CACNG7: variants seen among roughly 807,000 people sequenced by gnomAD.
CACNG7 encodes the protein calcium voltage-gated channel auxiliary subunit gamma 7.
A neutral mutation model predicts 26.3 loss-of-function variants in CACNG7; 9 were observed. That is an observed-to-expected ratio of 0.34 (90% CI 0.21 to 0.60). CACNG7 has a LOEUF of 0.60. CACNG7 is among the 20% of genes least tolerant of loss of function. The probability of loss-of-function intolerance (pLI) is 0.81; values close to 1 mark genes in which losing one functional copy is unlikely to be tolerated. For synonymous variants in CACNG7, 170 were observed against 157.0 expected (o/e 1.08, Z -0.62); for missense variants, 297 against 380.4 (o/e 0.78, Z 1.82).
chr19:53,916,273 G>C (rs915358098), intron 4 of CACNG7, among the ~76,000 whole-genome samples: 1 of 151,822 alleles, frequency 6.6e-6, no homozygotes, highest in African/African-American at 2.4e-5. Context: ...TTTTGCATAT[G>C]TGATCTCACA....
Position 53,924,804 on chromosome 19 carries a change from G to A in CACNG7, c.424+9299G>A, listed in dbSNP as rs531127622. Among the ~76,000 whole-genome samples the A allele has an allele frequency of 8.3e-5, 12 of 144,406 alleles. No individual in the cohort carries two copies. The East Asian group carries it at 2.5e-3, about 30-fold the overall frequency. The allele number at this position is 144,406 out of a possible 152,430, so 94.7% of individuals were successfully genotyped here. On this transcript the variant is annotated intron_variant, in intron 4 of 5. Coordinates refer to ENST00000391767, the MANE Select transcript of CACNG7 (RefSeq NM_031896.5). The stretch of plus-strand genomic sequence containing the variant: ...TGGACTTGCCTAGTGCTGGTCATTG[G>A]TGGACTTGCCCCAGGTCTGGTCATT...
At position 53,942,651 on chromosome 19, in the gene CACNG7, T is replaced by A; in HGVS notation, c.*358T>A. On this transcript the variant is annotated 3_prime_UTR_variant, in exon 6 of 6. Coordinates refer to ENST00000391767, the MANE Select transcript of CACNG7 (RefSeq NM_031896.5). The surrounding 1 kb of genome is among the most constrained non-coding windows in gnomAD (Gnocchi z 5.9). ...GCCAGAGGCGGTGCAAGCGCCCAGC[T>A]CCCCAGAGCTCCCCAACCTCGGACC... The A allele has an allele frequency of 1.0e-6, 1 of 966,074 alleles. No homozygotes were observed. The allele number at this position is 966,074 out of a possible 1,614,324, so 59.8% of individuals were successfully genotyped here.
rs569487045 is a variant in CACNG7, at chr19:53,923,269, T to G, written c.424+7764T>G. 3.5e-4 allele frequency among the ~76,000 whole-genome samples: 32 copies of G among 90,830 alleles called. No individual in the cohort carries two copies. The South Asian group carries it at 0.015, about 43-fold the overall frequency. 59.6% of individuals were successfully genotyped at this position (90,830 alleles called of 152,430 possible). A position where few individuals can be genotyped will look rare whatever the true frequency, so the allele number is the denominator to read the frequency against. On this transcript the variant is annotated intron_variant, in intron 4 of 5. Coordinates refer to ENST00000391767, the MANE Select transcript of CACNG7 (RefSeq NM_031896.5). ...GTGGAGTTGTCCCAGGTCTGGTCATTGGTGCAGTTGCCCCAGGTCTGGTCA... is the reference window on the plus strand; with the variant it reads ...GTGGAGTTGTCCCAGGTCTGGTCATGGGTGCAGTTGCCCCAGGTCTGGTCA...
intron 4 of CACNG7, among the ~76,000 whole-genome samples, chr19:53,932,954 T>C (rs114037082): frequency 0.013 from 2,013 of 149,880 alleles, 51 homozygotes; most frequent in African/African-American, 0.046. Context: ...ATTACAGGCA[T>C]CTGCCATCAC....
chr19:53,922,428 TCTGGTCATTGGTGGAGTTGTCCCAGG>T (rs2068968546), intron 4 of CACNG7, among the ~76,000 whole-genome samples: 3 of 99,058 alleles, frequency 3.0e-5, no homozygotes, highest in African/African-American at 1.0e-4. Flanking sequence ...TTGTCCCAGG[TCTGGTCATTGGTGGAGTTGTCCCAGG>T]CTGGTCATTG....
intron 1 of CACNG7, among the ~76,000 whole-genome samples, chr19:53,911,943 G>A (rs2068864813): frequency 6.6e-6 from 1 of 152,166 alleles, no homozygotes; most frequent in Non-Finnish European, 1.5e-5. Flanking sequence ...CTTAGATAGG[G>A]CTGAGGTCAA....
rs1328962765 is a variant in CACNG7, at chr19:53,939,994, G to A, written c.425-1476G>A. On this transcript the variant is annotated intron_variant, in intron 4 of 5. Coordinates refer to ENST00000391767, the MANE Select transcript of CACNG7 (RefSeq NM_031896.5). This position sits in a 1 kb window ranked among gnomAD's most constrained non-coding sequence, Gnocchi z 4.2. ...AGCTGGGTTTCGTCCATGGACCATG[G>A]TTTGCCGACCACCGGTGTAGACAGT... Among the ~76,000 whole-genome samples, 2 of 152,146 alleles carry A rather than the reference G, an allele frequency of 1.3e-5. No homozygotes were observed. Among genetic ancestry groups the A allele is most frequent in the East Asian group, 3.9e-4 (2 of 5,172 alleles).
intron 4 of CACNG7, among the ~76,000 whole-genome samples, chr19:53,929,985 G>T (rs1268859091): frequency 6.7e-6 from 1 of 150,264 alleles, no homozygotes; most frequent in Non-Finnish European, 1.5e-5. Flanking sequence ...TAGCATCATG[G>T]AGTTCCTAGC....
At position 53,928,977 on chromosome 19, in the gene CACNG7, C is replaced by T. The variant is rs144771367; in HGVS notation, c.425-12493C>T. Among the ~76,000 whole-genome samples the T allele has an allele frequency of 9.8e-3, 1,481 of 151,712 alleles. 24 individuals carry two copies. Among genetic ancestry groups the T allele is most frequent in the African/African-American group, 0.035 (1,428 of 41,344 alleles). The stretch of plus-strand genomic sequence containing the variant: ...TACAAAAATTAGCCGGGCATGGTGG[C>T]GCACGTCTGTAATCTCAGCTACTCA... On this transcript the variant is annotated intron_variant, in intron 4 of 5. Coordinates refer to ENST00000391767, the MANE Select transcript of CACNG7 (RefSeq NM_031896.5).
intron 4 of CACNG7, among the ~76,000 whole-genome samples, chr19:53,928,893 G>A (rs888047283): frequency 3.3e-5 from 5 of 151,882 alleles, no homozygotes; most frequent in East Asian, 3.9e-4. Flanking sequence ...GGCGGATCAC[G>A]AAGTCAGGGG....
intron 4 of CACNG7, among the ~76,000 whole-genome samples, chr19:53,923,505 G>A (rs1447062734): frequency 7.9e-6 from 1 of 126,944 alleles, no homozygotes; most frequent in Non-Finnish European, 1.7e-5. Flanking sequence ...GTCCCAGGCT[G>A]GTCATTGGTG....
intron 4 of CACNG7, among the ~76,000 whole-genome samples, chr19:53,933,661 AT>A (rs1171591694): frequency 0.02 from 2,687 of 136,090 alleles, 49 homozygotes; most frequent in African/African-American, 0.061. Flanking sequence ...TGCAGGTTTG[AT>A]TTTTTTTTTT....
In CACNG7 at chr19:53,939,009, C is replaced by G. The variant is rs927615114; in HGVS notation, c.425-2461C>G. ...TGGTGGCTCACACCTGTAATCCCAGCACTTTGGGAGGCCAAGGTGGGCAGA... is the reference window on the plus strand; with the variant it reads ...TGGTGGCTCACACCTGTAATCCCAGGACTTTGGGAGGCCAAGGTGGGCAGA... On this transcript the variant is annotated intron_variant, in intron 4 of 5. Transcript: ENST00000391767. This position sits in a 1 kb window ranked among gnomAD's most constrained non-coding sequence, Gnocchi z 4.2. 4.0e-5 allele frequency among the ~76,000 whole-genome samples: 6 copies of G among 151,198 alleles called. No homozygotes were observed. The highest frequency in any genetic ancestry group is 8.8e-5 in the Non-Finnish European group (6 of 67,910).
At chr19:53,920,968 C>T (rs1323875120) in intron 4 of CACNG7, among the ~76,000 whole-genome samples, 1 of 98,388 alleles carries the variant, frequency 1.0e-5, no homozygotes, top group African/African-American at 5.2e-5. Flanking sequence ...TGGACTTGCC[C>T]CAGGCTGGTC....
chr19:53,914,611 G>A lies in CACNG7; in HGVS notation c.283+25G>A, dbSNP rs111577643. On this transcript the variant is annotated intron_variant, in intron 3 of 5. Coordinates refer to ENST00000391767, the MANE Select transcript of CACNG7 (RefSeq NM_031896.5). The stretch of plus-strand genomic sequence containing the variant: ...AGTGAGGGGATGTGGGGGCACCTAG[G>A]CACAAGACAGCAAGATCACAGCCGA... 11 of 1,593,772 alleles carry A rather than the reference G, an allele frequency of 6.9e-6. 1 individual carries two copies. The highest frequency in any genetic ancestry group is 5.4e-5 in the African/African-American group (4 of 74,558).
chr19:53,919,368 T>C (rs1024245216), intron 4 of CACNG7, among the ~76,000 whole-genome samples: 1 of 152,036 alleles, frequency 6.6e-6, no homozygotes, highest in African/African-American at 2.4e-5. Context: ...TTGGTGGAGT[T>C]GTCCCAGGTC....
intron 4 of CACNG7, among the ~76,000 whole-genome samples, chr19:53,916,730 C>T (rs2068901350): frequency 6.6e-6 from 1 of 151,096 alleles, no homozygotes; most frequent in African/African-American, 2.4e-5. Context: ...AAACTCCCGA[C>T]CGCAGGTGAT....
intron 4 of CACNG7, among the ~76,000 whole-genome samples, chr19:53,921,391 T>C (rs1328404313): frequency 9.2e-5 from 13 of 142,012 alleles, no homozygotes; most frequent in East Asian, 4.4e-4. Flanking sequence ...TTGGTGGAGT[T>C]GCCCCAGGTC....
intron 1 of CACNG7, among the ~76,000 whole-genome samples, chr19:53,911,638 C>T (rs6509829): frequency 0.035 from 5,316 of 152,166 alleles, 307 homozygotes; most frequent in African/African-American, 0.12. Flanking sequence ...AAGGGGGAAG[C>T]TGAGATCGGC....
Sources: allele counts gnomAD v4.1 joint callset (sites outside exome capture counted in the v4.1 genomes callset), GRCh38; gene constraint gnomAD v4.1.1; non-coding constraint Gnocchi (gnomAD v3.1); transcripts MANE v1.5; gene names NCBI Gene and HGNC (gene_info 2026-07-23, HGNC 2026-07-21).